CDC42SE2: variants seen among roughly 807,000 people sequenced by gnomAD.
The protein encoded by CDC42SE2 is CDC42 small effector protein 2.
In CDC42SE2, 3 loss-of-function variants were observed where a neutral mutation model predicts 11.5. The observed-to-expected ratio is 0.26, with a 90% CI of 0.12 to 0.67. The LOEUF (loss-of-function observed/expected upper bound fraction) is 0.67. Among genes scored for constraint, CDC42SE2 ranks in the 30% least tolerant of loss-of-function variants. The pLI is 0.80. For synonymous variants in CDC42SE2, 33 were observed against 34.8 expected, an observed-to-expected ratio of 0.95 and a Z score of 0.18; for missense variants, 82 against 106.8, an observed-to-expected ratio of 0.77 and a Z score of 1.02.
intron 2 of CDC42SE2, among the ~76,000 whole-genome samples, chr5:131,353,732 C>T (rs1306243829): frequency 6.6e-6 from 1 of 151,734 alleles, no homozygotes; most frequent in Non-Finnish European, 1.5e-5. Flanking sequence ...ATGGTGAAAC[C>T]CCATCTCTAC....
intron 2 of CDC42SE2, among the ~76,000 whole-genome samples, chr5:131,327,905 A>G (rs1249709414): frequency 3.3e-5 from 5 of 152,188 alleles, no homozygotes; most frequent in Admixed American, 6.5e-5. Flanking sequence ...CTGCTATAAC[A>G]AGATACCACA....
chr5:131,230,971 G>A, the CDC42SE2 span, among the ~76,000 whole-genome samples: 2 of 151,418 alleles, frequency 1.3e-5, no homozygotes, highest in South Asian at 2.1e-4. Flanking sequence ...ACACACACAT[G>A]TATGTATATG....
chr5:131,301,705 C>G (rs1201707967), intron 1 of CDC42SE2, among the ~76,000 whole-genome samples: 1 of 151,284 alleles, frequency 6.6e-6, no homozygotes, highest in Non-Finnish European at 1.5e-5. Flanking sequence ...TTGCAGTGAG[C>G]CAAGATCACG....
intron 2 of CDC42SE2, chr5:131,354,835 T>A (rs1580775462): frequency 6.6e-6 from 1 of 152,100 alleles, no homozygotes; most frequent in African/African-American, 2.4e-5. Context: ...AAAAAAAAAT[T>A]TAAAATTTAA....
chr5:131,240,897 G>T (rs1353051118), upstream of CDC42SE2, among the ~76,000 whole-genome samples: 1 of 152,162 alleles, frequency 6.6e-6, no homozygotes, highest in African/African-American at 2.4e-5. Context: ...TACATTTCTG[G>T]TGTATGGTGG....
chr5:131,224,596 T>G, the CDC42SE2 span, among the ~76,000 whole-genome samples: 1 of 151,968 alleles, frequency 6.6e-6, no homozygotes, highest in Non-Finnish European at 1.5e-5. Flanking sequence ...CTCCTCCCTA[T>G]CTCTCTTCCT....
intron 1 of CDC42SE2, among the ~76,000 whole-genome samples, chr5:131,286,619 C>T (rs1757346963): frequency 6.6e-6 from 1 of 151,644 alleles, no homozygotes; most frequent in Non-Finnish European, 1.5e-5. Context: ...CCTCTGCCAC[C>T]CCTGAGACAG....
intron 3 of CDC42SE2, among the ~76,000 whole-genome samples, chr5:131,377,967 A>G (rs1190650300): frequency 6.6e-6 from 1 of 152,230 alleles, no homozygotes; most frequent in African/African-American, 2.4e-5. Flanking sequence ...TATTCATTCA[A>G]CAGTCATTTA....
chr5:131,232,658 C>A, the CDC42SE2 span, among the ~76,000 whole-genome samples: 1 of 141,848 alleles, frequency 7.0e-6, no homozygotes, highest in Non-Finnish European at 1.5e-5. Context: ...TGCTTAAACA[C>A]AGGAGGCGGA....
At chr5:131,234,365 C>T in the CDC42SE2 span, among the ~76,000 whole-genome samples, 1 of 152,110 alleles carries the variant, frequency 6.6e-6, no homozygotes, top group African/African-American at 2.4e-5. Flanking sequence ...AGGCCGGGCG[C>T]AGTGGCTCAC....
At chr5:131,263,651 C>A (rs1756781014), upstream of CDC42SE2, 1 of 131,542 alleles carries the variant, frequency 7.6e-6, no homozygotes, top group Non-Finnish European at 1.6e-5. Flanking sequence ...CTCGCCTGTG[C>A]GCGTCCACCG....
chr5:131,279,951 C>T (rs547503829), intron 1 of CDC42SE2, among the ~76,000 whole-genome samples: 1 of 152,088 alleles, frequency 6.6e-6, no homozygotes, highest in South Asian at 2.1e-4. Flanking sequence ...TGTTTATGAC[C>T]CCAGCTCCTT....
At chr5:131,361,177 A>G (rs991844119) in intron 3 of CDC42SE2, among the ~76,000 whole-genome samples, 3 of 151,364 alleles carry the variant, frequency 2.0e-5, no homozygotes, top group Non-Finnish European at 4.4e-5. Flanking sequence ...CAGTGACGTG[A>G]TATATAATAA....
chr5:131,252,533 T>C (rs1756649217), intron 1 of CDC42SE2, among the ~76,000 whole-genome samples: 1 of 152,180 alleles, frequency 6.6e-6, no homozygotes, highest in African/African-American at 2.4e-5. Flanking sequence ...GGCGTGTGCC[T>C]ATAATCCCAG....
intron 3 of CDC42SE2, among the ~76,000 whole-genome samples, chr5:131,362,633 T>C (rs966040286): frequency 6.6e-6 from 1 of 152,114 alleles, no homozygotes; most frequent in African/African-American, 2.4e-5. Flanking sequence ...GGGAAGAAAA[T>C]AGAATGTATT....
intron 1 of CDC42SE2, among the ~76,000 whole-genome samples, chr5:131,246,761 CTT>C (rs71000981): frequency 5.6e-5 from 7 of 124,438 alleles, no homozygotes; most frequent in Admixed American, 8.8e-5. Context: ...CACTCAAATC[CTT>C]TTTTTTTTTT....
intron 1 of CDC42SE2, among the ~76,000 whole-genome samples, chr5:131,246,705 A>T (rs575395091): frequency 6.7e-6 from 1 of 149,260 alleles, no homozygotes; most frequent in South Asian, 2.1e-4. Flanking sequence ...GACACCAATT[A>T]TGCATATGTT....
At chr5:131,279,310 C>T (rs1357130970) in intron 1 of CDC42SE2, among the ~76,000 whole-genome samples, 2 of 152,134 alleles carry the variant, frequency 1.3e-5, no homozygotes, top group African/African-American at 4.8e-5. Context: ...CATTCCAAAG[C>T]AGGCACAAAA....
intron 2 of CDC42SE2, among the ~76,000 whole-genome samples, chr5:131,318,252 T>C (rs974463345): frequency 2.0e-5 from 3 of 152,176 alleles, no homozygotes; most frequent in African/African-American, 7.2e-5. Flanking sequence ...AGAATAACTT[T>C]TTAAGAAGAT....
Sources: gnomAD v4.1 joint callset for allele counts (sites outside exome capture counted in the v4.1 genomes callset) on GRCh38, gnomAD v4.1.1 for gene constraint, MANE v1.5 for transcripts, NCBI Gene and HGNC (gene_info 2026-07-23, HGNC 2026-07-21) for gene names.